The following SHISA9 variants were observed in gnomAD, a reference collection of about 807,000 sequenced individuals.
SHISA9 encodes the protein protein shisa-9.
A neutral mutation model predicts 38.0 loss-of-function variants in SHISA9; 13 were observed. The observed-to-expected ratio is 0.34, with a 90% CI of 0.22 to 0.54. The LOEUF (loss-of-function observed/expected upper bound fraction) is 0.54. Among genes scored for constraint, SHISA9 ranks in the 20% least tolerant of loss-of-function variants. The probability of loss-of-function intolerance (pLI) is 0.91; values close to 1 mark genes in which losing one functional copy is unlikely to be tolerated. For synonymous variants in SHISA9, 275 were observed against 242.0 expected (o/e 1.14, Z -1.27); for missense variants, 538 against 575.8 (o/e 0.93, Z 0.67).
At chr16:12,985,671 G>A (rs2072298801) in intron 2 of SHISA9, among the ~76,000 whole-genome samples, 1 of 152,128 alleles carries the variant, frequency 6.6e-6, no homozygotes, top group Non-Finnish European at 1.5e-5. Context: ...TAAGGGTTTG[G>A]GATGACAAAC....
intron 2 of SHISA9, among the ~76,000 whole-genome samples, chr16:12,924,858 A>G (rs187477989): frequency 1.3e-5 from 2 of 152,336 alleles, no homozygotes; most frequent in African/African-American, 4.8e-5. Flanking sequence ...TTCACTGTGC[A>G]GTCTTGGAAA....
intron 2 of SHISA9, among the ~76,000 whole-genome samples, chr16:12,948,337 G>T (rs190577073): frequency 1.5e-3 from 233 of 152,264 alleles, no homozygotes; most frequent in Non-Finnish European, 2.5e-3. Context: ...ATCAGTAAAG[G>T]AGGACTTACT....
chr16:13,136,047 A>T (rs2141991319), intron 2 of SHISA9, among the ~76,000 whole-genome samples: 1 of 152,316 alleles, frequency 6.6e-6, no homozygotes, highest in South Asian at 2.1e-4. Flanking sequence ...AAGAATATCC[A>T]CGCTGAAGCA....
At chr16:13,253,252 A>G in the SHISA9 span, among the ~76,000 whole-genome samples, 1 of 152,324 alleles carries the variant, frequency 6.6e-6, no homozygotes, top group South Asian at 2.1e-4. Context: ...AGTTATATGC[A>G]GATTTTTGAC....
At chr16:13,381,058 G>C in the SHISA9 span, among the ~76,000 whole-genome samples, 2 of 151,938 alleles carry the variant, frequency 1.3e-5, no homozygotes, top group East Asian at 3.9e-4. Flanking sequence ...TTTTCTTAAT[G>C]CAGTCTATCA....
chr16:12,985,467 A>G (rs1006888624), intron 2 of SHISA9, among the ~76,000 whole-genome samples: 3 of 152,166 alleles, frequency 2.0e-5, no homozygotes, highest in African/African-American at 7.2e-5. Flanking sequence ...GAGGTTGGAC[A>G]AATCACCTGC....
chr16:13,312,432 A>G, the SHISA9 span, among the ~76,000 whole-genome samples: 10 of 152,204 alleles, frequency 6.6e-5, no homozygotes, highest in Non-Finnish European at 1.0e-4. Context: ...TTTCACAGAC[A>G]CTGAATGACG....
chr16:13,399,254 T>A, the SHISA9 span, among the ~76,000 whole-genome samples: 1 of 149,698 alleles, frequency 6.7e-6, no homozygotes, highest in South Asian at 2.1e-4. Context: ...CCCATCTCAA[T>A]TAAAAAAAAA....
At chr16:13,461,383 C>T in the SHISA9 span, among the ~76,000 whole-genome samples, 1 of 152,006 alleles carries the variant, frequency 6.6e-6, no homozygotes, top group South Asian at 2.1e-4. Context: ...AGTTCCAGAC[C>T]AGCCTGATCA....
At chr16:13,333,206 T>G in the SHISA9 span, among the ~76,000 whole-genome samples, 2 of 152,138 alleles carry the variant, frequency 1.3e-5, no homozygotes, top group African/African-American at 4.8e-5. Context: ...CCATCTTCTC[T>G]CTTTCAAAGG....
the SHISA9 span, among the ~76,000 whole-genome samples, chr16:13,482,042 C>T: frequency 6.6e-6 from 1 of 152,188 alleles, no homozygotes; most frequent in East Asian, 1.9e-4. Context: ...CTTCCACTGG[C>T]CCTTCCAGAT....
intron 2 of SHISA9, among the ~76,000 whole-genome samples, chr16:13,040,566 T>C (rs1012218888): frequency 6.6e-6 from 1 of 152,218 alleles, no homozygotes; most frequent in African/African-American, 2.4e-5. Flanking sequence ...CATGTTTTCA[T>C]GTTTATGGCC....
the SHISA9 span, among the ~76,000 whole-genome samples, chr16:13,560,421 G>A: frequency 6.6e-6 from 1 of 152,140 alleles, no homozygotes; most frequent in South Asian, 2.1e-4. Flanking sequence ...ATCAGCACCT[G>A]AAGAATTTTC....
chr16:13,133,840 G>A (rs1055919364), intron 2 of SHISA9, among the ~76,000 whole-genome samples: 12 of 152,190 alleles, frequency 7.9e-5, no homozygotes, highest in African/African-American at 2.9e-4. Flanking sequence ...TTAAATCAAA[G>A]GGGGTGTGAA....
intron 2 of SHISA9, among the ~76,000 whole-genome samples, chr16:12,986,551 T>A (rs770525979): frequency 9.9e-5 from 15 of 152,202 alleles, no homozygotes; most frequent in Non-Finnish European, 7.4e-5. Context: ...GGTGAGATCA[T>A]GAGCTCGGAG....
At chr16:13,223,994 A>T (rs2051254880) in intron 4 of SHISA9, among the ~76,000 whole-genome samples, 1 of 152,190 alleles carries the variant, frequency 6.6e-6, no homozygotes, top group South Asian at 2.1e-4. Context: ...TTGTTGGATA[A>T]ACAGCCAAAG....
At chr16:13,202,725 C>T (rs1416016132) in intron 2 of SHISA9, among the ~76,000 whole-genome samples, 1 of 152,130 alleles carries the variant, frequency 6.6e-6, no homozygotes, top group Non-Finnish European at 1.5e-5. Context: ...TTGATATGAG[C>T]TCAGATTGTT....
rs571657054 is a variant in SHISA9 at position 13,116,998 on chromosome 16, TCTCA to T, written c.692-86392_692-86389del. Among the ~76,000 whole-genome samples the T allele has an allele frequency of 3.8e-4, 58 of 152,238 alleles. No homozygotes were observed. The East Asian group carries it at 9.7e-3, about 25-fold the overall frequency. ...TTTTATTTTATTTTTTGAGACAGAG[TCTCA>T]CTCTGTTGCCCAGGCTGGAGTGCAG... On this transcript the variant is annotated intron_variant, in intron 2 of 4. Transcript: ENST00000558583.
At chr16:13,015,924 T>TTC in intron 2 of SHISA9, among the ~76,000 whole-genome samples, 2 of 77,696 alleles carry the variant, frequency 2.6e-5, no homozygotes, top group Non-Finnish European at 2.7e-5. Context: ...TCTTTCTCCT[T>TTC]CCTTCCTTCT....
Sources: gnomAD v4.1 joint callset for allele counts (sites outside exome capture counted in the v4.1 genomes callset) on GRCh38, gnomAD v4.1.1 for gene constraint, MANE v1.5 for transcripts, NCBI Gene and HGNC (gene_info 2026-07-23, HGNC 2026-07-21) for gene names.